The following PCSK5 variants were observed in gnomAD, a reference collection of about 807,000 sequenced individuals.
The protein encoded by PCSK5 is prohormone convertase 5.
Under a neutral mutation model 233.2 loss-of-function variants are expected in PCSK5, and 129 were observed. The observed-to-expected ratio is 0.55, with a 90% CI of 0.48 to 0.64. PCSK5 has a LOEUF of 0.64. Ranked by LOEUF, PCSK5 falls within the 30% of genes least tolerant of loss-of-function variation. PCSK5 has a pLI of 0.00. For missense variants in PCSK5, 2,076 were observed against 2,430.1 expected (o/e 0.85, Z 3.06); for synonymous variants, 825 against 879.2 (o/e 0.94, Z 1.09).
At chr9:75,967,701 C>T (rs1563943964) in intron 2 of PCSK5, among the ~76,000 whole-genome samples, 1 of 151,990 alleles carries the variant, frequency 6.6e-6, no homozygotes, top group Non-Finnish European at 1.5e-5. Context: ...TTGCTAAAGA[C>T]ATGTCATTTG....
At chr9:76,029,697 C>T (rs1014312324) in intron 5 of PCSK5, among the ~76,000 whole-genome samples, 7 of 152,162 alleles carry the variant, frequency 4.6e-5, no homozygotes. Context: ...AAATTTCTCT[C>T]CTCTTGAGCT....
chr9:76,172,782 AT>A (rs760273975), intron 13 of PCSK5, among the ~76,000 whole-genome samples: 6 of 152,176 alleles, frequency 3.9e-5, no homozygotes, highest in Non-Finnish European at 7.3e-5. Context: ...TTCACTTCTT[AT>A]CACTCCCTAA....
intron 17 of PCSK5, among the ~76,000 whole-genome samples, 186 bp downstream of exon 17, chr9:76,184,943 G>T (rs1824034392): frequency 6.6e-6 from 1 of 152,190 alleles, no homozygotes; most frequent in South Asian, 2.1e-4. Context: ...ATGGGATGCT[G>T]TGTTGGCTAA....
intron 24 of PCSK5, among the ~76,000 whole-genome samples, chr9:76,289,798 G>A (rs1235314171): frequency 7.0e-6 from 1 of 143,588 alleles, no homozygotes; most frequent in Non-Finnish European, 1.6e-5. Flanking sequence ...AAACTAATGA[G>A]CATTCATAAG....
Position 76,292,276 on chromosome 9 carries a change from G to T in PCSK5, c.3185+1G>T. 2 of 1,557,560 alleles carry T rather than the reference G, an allele frequency of 1.3e-6. No homozygotes were observed. The highest frequency in any genetic ancestry group is 8.8e-7 in the Non-Finnish European group (1 of 1,130,258). ...CATCTTGCGCTATGGGGTATTACAG[G>T]TAAGTCTGGTCTTCCTTTTCATGGC... On this transcript the variant is annotated splice_donor_variant, in intron 25 of 37. Transcript: ENST00000674117. LOFTEE classifies it high-confidence loss of function.
Position 76,157,177 on chromosome 9 carries a change from C to T in PCSK5, c.1430+15C>T, listed in dbSNP as rs149931406. ...CGACAAATCAAGTAATGCTTGCTGC[C>T]GGCAAACAGCATGACAATGCCCCAA... On this transcript the variant is annotated intron_variant, in intron 11 of 37. Transcript: ENST00000674117. The T allele has an allele frequency of 7.7e-6, 12 of 1,551,538 alleles. No individual in the cohort carries two copies. Among genetic ancestry groups the T allele is most frequent in the East Asian group, 2.2e-5 (1 of 44,566 alleles).
intron 2 of PCSK5, among the ~76,000 whole-genome samples, chr9:75,966,931 A>G (rs1003707606): frequency 1.3e-5 from 2 of 152,164 alleles, no homozygotes; most frequent in Non-Finnish European, 2.9e-5. Flanking sequence ...AACATAAAGG[A>G]GAACTAGTTC....
chr9:75,974,813 C>T (rs1416856247), intron 2 of PCSK5, among the ~76,000 whole-genome samples: 1 of 152,132 alleles, frequency 6.6e-6, no homozygotes, highest in African/African-American at 2.4e-5. Context: ...GTATTTTGAA[C>T]TCATTTTAGG....
At chr9:76,125,632 A>G (rs1832817506) in intron 9 of PCSK5, among the ~76,000 whole-genome samples, 1 of 152,222 alleles carries the variant, frequency 6.6e-6, no homozygotes, top group Non-Finnish European at 1.5e-5. Context: ...AATACATGCC[A>G]TCTACTACTC....
Position 76,196,050 on chromosome 9 carries a change from G to C in PCSK5, c.2626+6304G>C, listed in dbSNP as rs1394226599. ...AAGAGTGAGCAGAGGAGGGAATTGA[G>C]AAGGAGTGAGAAACAGCAATGTAAG... is the stretch of plus-strand genomic sequence containing the variant. On this transcript the variant is annotated intron_variant, in intron 20 of 37. Transcript: ENST00000674117. 2.6e-5 allele frequency among the ~76,000 whole-genome samples: 4 copies of C among 152,146 alleles called. 1 individual carries two copies. Among genetic ancestry groups the C allele is most frequent in the South Asian group, 4.1e-4 (2 of 4,828 alleles).
intron 7 of PCSK5, among the ~76,000 whole-genome samples, chr9:76,094,668 C>T (rs146245728): frequency 9.1e-4 from 138 of 151,990 alleles, no homozygotes; most frequent in African/African-American, 3.2e-3. Flanking sequence ...AGTGGCATGA[C>T]CTCGGCTCAT....
intron 10 of PCSK5, among the ~76,000 whole-genome samples, chr9:76,147,737 C>A (rs1421949637): frequency 2.0e-5 from 3 of 152,128 alleles, no homozygotes; most frequent in Non-Finnish European, 4.4e-5. Context: ...AAAGTGCCAT[C>A]CCTGGAAGAA....
chr9:76,247,791 C>CTTT (rs35561448), intron 24 of PCSK5, among the ~76,000 whole-genome samples: 6 of 148,392 alleles, frequency 4.0e-5, no homozygotes, highest in African/African-American at 1.5e-4. Context: ...ATTTTTTAAT[C>CTTT]TTTTTTTTTT....
chr9:75,919,538 A>G (rs1309260055), intron 1 of PCSK5, among the ~76,000 whole-genome samples: 1 of 152,212 alleles, frequency 6.6e-6, no homozygotes, highest in Non-Finnish European at 1.5e-5. Context: ...ACTGTTTTCC[A>G]AGTATTCCCA....
intron 24 of PCSK5, among the ~76,000 whole-genome samples, chr9:76,260,665 G>T (rs1338702892): frequency 3.9e-5 from 6 of 152,156 alleles, no homozygotes; most frequent in African/African-American, 1.4e-4. Context: ...TGAGGAAACA[G>T]ATCCTTTCCC....
chr9:76,290,078 A>G (rs1219295782), intron 24 of PCSK5, among the ~76,000 whole-genome samples: 1 of 152,252 alleles, frequency 6.6e-6, no homozygotes. Context: ...CCAAATTAGC[A>G]AAACTGTTAG....
At chr9:76,212,745 C>T (rs1053032585) in intron 20 of PCSK5, among the ~76,000 whole-genome samples, 5 of 152,224 alleles carry the variant, frequency 3.3e-5, no homozygotes, top group Non-Finnish European at 5.9e-5. Flanking sequence ...CAGACAAACC[C>T]TGTGCTAAGT....
chr9:76,202,011 C>G (rs1269061292), intron 20 of PCSK5, among the ~76,000 whole-genome samples: 1 of 152,050 alleles, frequency 6.6e-6, no homozygotes, highest in African/African-American at 2.4e-5. Flanking sequence ...TTTCTTGCCA[C>G]CGAAATCACA....
At chr9:76,299,794 G>A (rs1159662397) in intron 27 of PCSK5, among the ~76,000 whole-genome samples, 1 of 152,196 alleles carries the variant, frequency 6.6e-6, no homozygotes. Flanking sequence ...CAGACCACGG[G>A]CTTTGAAGGA....
Sources: allele counts gnomAD v4.1 joint callset (sites outside exome capture counted in the v4.1 genomes callset), GRCh38; gene constraint gnomAD v4.1.1; transcripts MANE v1.5; gene names NCBI Gene and HGNC (gene_info 2026-07-23, HGNC 2026-07-21).